The following TNIK variants were observed in gnomAD, a reference collection of about 807,000 sequenced individuals.
TNIK encodes the protein TRAF2 and NCK-interacting protein kinase.
TNIK carries 49 observed loss-of-function variants against 191.3 expected under a neutral mutation model. That is an observed-to-expected ratio of 0.26 (90% CI 0.20 to 0.32). The LOEUF (loss-of-function observed/expected upper bound fraction) is 0.32. Ranked by LOEUF, TNIK falls within the 10% of genes least tolerant of loss-of-function variation. The probability of loss-of-function intolerance (pLI) is 1.00; values close to 1 mark genes in which losing one functional copy is unlikely to be tolerated. For missense variants in TNIK, 1,155 were observed against 1,702.3 expected, an observed-to-expected ratio of 0.68 and a Z score of 5.66; for synonymous variants, 594 against 600.9, an observed-to-expected ratio of 0.99 and a Z score of 0.17.
chr3:171,422,552 T>C (rs1723961509), intron 1 of TNIK, among the ~76,000 whole-genome samples: 2 of 152,220 alleles, frequency 1.3e-5, no homozygotes, highest in Admixed American at 1.3e-4. Flanking sequence ...GTTTTGTTAA[T>C]GTATTTTTTA....
intron 4 of TNIK, among the ~76,000 whole-genome samples, chr3:171,196,897 GGCACCC>G (rs1304850402): frequency 1.3e-5 from 2 of 150,748 alleles, no homozygotes; most frequent in African/African-American, 4.9e-5. Flanking sequence ...TGGGACTACA[GGCACCC>G]GCCATCACGC....
chr3:171,291,711 G>A (rs941188625), intron 2 of TNIK, among the ~76,000 whole-genome samples: 1 of 152,128 alleles, frequency 6.6e-6, no homozygotes, highest in Non-Finnish European at 1.5e-5. Context: ...ATGCTTTGGT[G>A]TGACATTTTT....
chr3:171,066,488 TGGA>T, intron 31 of TNIK, 85 bp downstream of exon 31: 1 of 1,465,006 alleles, frequency 6.8e-7, no homozygotes, highest in Admixed American at 2.2e-5. Context: ...TTTTTTTTTG[TGGA>T]ATCAAATGGT....
At chr3:171,096,357 G>A (rs1722718790) in intron 22 of TNIK, among the ~76,000 whole-genome samples, 2 of 151,970 alleles carry the variant, frequency 1.3e-5, no homozygotes, top group Admixed American at 1.3e-4. Flanking sequence ...ATCTGACCAA[G>A]TCCGAATCAC....
intron 1 of TNIK, among the ~76,000 whole-genome samples, chr3:171,412,424 G>A (rs1333900499): frequency 1.3e-5 from 2 of 152,198 alleles, no homozygotes; most frequent in Non-Finnish European, 2.9e-5. Flanking sequence ...CAAAATTTAA[G>A]TCTTTTTCTG....
chr3:171,084,915 T>C (rs373980747), intron 25 of TNIK, among the ~76,000 whole-genome samples: 23 of 152,222 alleles, frequency 1.5e-4, no homozygotes, highest in African/African-American at 5.1e-4. Context: ...AGAAACGAAA[T>C]AGAAGAGATG....
chr3:171,093,199 A>G (rs1309889783), intron 23 of TNIK, among the ~76,000 whole-genome samples: 1 of 152,208 alleles, frequency 6.6e-6, no homozygotes, highest in African/African-American at 2.4e-5. Context: ...TCTGGTTAGC[A>G]TGGACACAGT....
chr3:171,262,466 A>G (rs186235108), intron 2 of TNIK, among the ~76,000 whole-genome samples: 10 of 152,250 alleles, frequency 6.6e-5, no homozygotes, highest in Admixed American at 2.0e-4. Flanking sequence ...AGCTCCTTAA[A>G]ATACTCTGAA....
intron 2 of TNIK, among the ~76,000 whole-genome samples, chr3:171,299,283 C>T (rs1752648179): frequency 1.3e-5 from 2 of 152,224 alleles, no homozygotes; most frequent in South Asian, 4.1e-4. Context: ...ACCCACCTGT[C>T]ATGCCACCTG....
At chr3:171,195,988 C>T (rs1370242248) in intron 4 of TNIK, among the ~76,000 whole-genome samples, 1 of 152,146 alleles carries the variant, frequency 6.6e-6, no homozygotes, top group Non-Finnish European at 1.5e-5. Context: ...AGAATAATAG[C>T]TGTAATGTGT....
rs1007599855 is a variant in TNIK, at chr3:171,161,250, C to T, written c.1016+20G>A. On this transcript the variant is annotated intron_variant, in intron 11 of 32. Transcript: ENST00000436636. ...AATTCAGAATGTGAACATTAGAAGA[C>T]TTGGCTTTTGCTCTCATACCTGGGC... The T allele has an allele frequency of 1.9e-6, 3 of 1,609,138 alleles. No homozygotes were observed. Among genetic ancestry groups the T allele is most frequent in the Non-Finnish European group, 2.5e-6 (3 of 1,177,152 alleles).
intron 2 of TNIK, among the ~76,000 whole-genome samples, chr3:171,286,828 T>C (rs1274086303): frequency 6.6e-6 from 1 of 152,230 alleles, no homozygotes; most frequent in Non-Finnish European, 1.5e-5. Flanking sequence ...TGTTGTAGTT[T>C]GAAGAGCTCT....
chr3:171,371,436 T>C lies in TNIK; in HGVS notation c.58-1751A>G, dbSNP rs568083043. ...CCCAACAGATTAAGCACTTAGTCAC[T>C]GAGAAAGATTGGAGTTAGCACTACA... On this transcript the variant is annotated intron_variant, in intron 1 of 32. Transcript: ENST00000436636. 5.3e-5 allele frequency among the ~76,000 whole-genome samples: 8 copies of C among 152,306 alleles called. No homozygotes were observed. The South Asian group carries it at 1.7e-3, about 32-fold the overall frequency.
chr3:171,435,218 C>T (rs928160905), intron 1 of TNIK, among the ~76,000 whole-genome samples: 1 of 152,190 alleles, frequency 6.6e-6, no homozygotes, highest in Admixed American at 6.5e-5. Flanking sequence ...CAGGAACCCC[C>T]AGTGAGGCTT....
Position 171,241,031 on chromosome 3 carries a change from TTTTC to T in TNIK, c.124-12814_124-12811del, listed in dbSNP as rs539954903. 5.4e-3 allele frequency among the ~76,000 whole-genome samples: 753 copies of T among 140,076 alleles called. 5 individuals carry two copies. Among genetic ancestry groups the T allele is most frequent in the Non-Finnish European group, 6.5e-3 (437 of 66,782 alleles). 91.9% of individuals were successfully genotyped at this position (140,076 alleles called of 152,430 possible). ...AAGTCCTTCTGTTTCTTTTTTTTTC[TTTTC>T]TTTTTTTTTTTGGAGATAGAGTTCT... On this transcript the variant is annotated intron_variant, in intron 2 of 32. Transcript: ENST00000436636.
intron 1 of TNIK, among the ~76,000 whole-genome samples, chr3:171,455,241 C>G (rs1356832878): frequency 6.6e-6 from 1 of 151,838 alleles, no homozygotes; most frequent in Non-Finnish European, 1.5e-5. Flanking sequence ...AGATTATTTT[C>G]CTTCTTTTCT....
Position 171,175,290 on chromosome 3 carries a change from G to T in TNIK, c.735C>A (p.Ile245=). The T allele has an allele frequency of 6.2e-7, 1 of 1,612,684 alleles. No homozygotes were observed. Among genetic ancestry groups the T allele is most frequent in the Non-Finnish European group, 8.5e-7 (1 of 1,179,512 alleles). Residue 245 remains isoleucine, a synonymous_variant, in exon 9 of 33, where the codon ATC becomes ATA. Transcript: ENST00000436636. ...DMHPMRALFL[I]PRNPAPRLKS... Reference sequence around the variant, plus strand: ...TCAGCCGAGGCGCTGGGTTCCGGGGGATGAGGAAGAGAGCTCTCATGGGGT... The same window carrying T: ...TCAGCCGAGGCGCTGGGTTCCGGGGTATGAGGAAGAGAGCTCTCATGGGGT...
rs541746569 is a variant in TNIK, at chr3:171,177,408, T to C, written c.640-28A>G. ...GAAAAAGAAGGGGCAGACACACACA[T>C]AAATTCAGTCAACAAAGGACAACTT... On this transcript the variant is annotated intron_variant, in intron 7 of 32. Coordinates refer to ENST00000436636, the MANE Select transcript of TNIK (RefSeq NM_015028.4). The C allele has an allele frequency of 1.3e-5, 20 of 1,593,930 alleles. No individual in the cohort carries two copies. The Admixed American group carries it at 2.1e-4, about 17-fold the overall frequency.
chr3:171,409,462 T>C (rs1722114110), intron 1 of TNIK, among the ~76,000 whole-genome samples: 1 of 152,086 alleles, frequency 6.6e-6, no homozygotes, highest in Admixed American at 6.5e-5. Context: ...AAAATGAATA[T>C]TACTCTAGCT....
Sources: allele counts gnomAD v4.1 joint callset (sites outside exome capture counted in the v4.1 genomes callset), GRCh38; gene constraint gnomAD v4.1.1; transcripts MANE v1.5; gene names NCBI Gene and HGNC (gene_info 2026-07-23, HGNC 2026-07-21).